The following AIG1 variants were observed in gnomAD, a reference collection of about 807,000 sequenced individuals.
The protein encoded by AIG1 is androgen-induced gene 1 protein.
Under a neutral mutation model 31.4 loss-of-function variants are expected in AIG1, and 23 were observed. The observed-to-expected ratio is 0.73, with a 90% CI of 0.53 to 1.04. The LOEUF is 1.04. Ranked by LOEUF, AIG1 falls within the 50% of genes least tolerant of loss-of-function variation. The probability of loss-of-function intolerance (pLI) is 0.00; values close to 1 mark genes in which losing one functional copy is unlikely to be tolerated. For synonymous variants in AIG1, 100 were observed against 110.5 expected (o/e 0.90, Z 0.60); for missense variants, 274 against 295.0 (o/e 0.93, Z 0.52).
intron 3 of AIG1, among the ~76,000 whole-genome samples, chr6:143,245,950 T>C (rs1370232262): frequency 6.6e-6 from 1 of 152,152 alleles, no homozygotes; most frequent in Non-Finnish European, 1.5e-5. Context: ...TGGGCCACAT[T>C]GGAAGAAGAA....
At chr6:143,087,411 C>T (rs1778893946) in intron 1 of AIG1, among the ~76,000 whole-genome samples, 1 of 152,184 alleles carries the variant, frequency 6.6e-6, no homozygotes, top group South Asian at 2.1e-4. Flanking sequence ...GACTAGTGTT[C>T]AGCTCAATTA....
At chr6:143,255,827 T>C (rs1166526625) in intron 3 of AIG1, among the ~76,000 whole-genome samples, 1 of 152,226 alleles carries the variant, frequency 6.6e-6, no homozygotes, top group East Asian at 1.9e-4. Context: ...TGATGTTATA[T>C]GCTAATCCTT....
chr6:143,173,095 G>T (rs1384380953), intron 3 of AIG1, among the ~76,000 whole-genome samples: 1 of 150,954 alleles, frequency 6.6e-6, no homozygotes, highest in Non-Finnish European at 1.5e-5. Context: ...TCACCCTGTT[G>T]CCCAGGCTAG....
At chr6:143,295,925 C>A (rs903150858) in intron 4 of AIG1, among the ~76,000 whole-genome samples, 9 of 152,012 alleles carry the variant, frequency 5.9e-5, no homozygotes, top group African/African-American at 1.9e-4. Flanking sequence ...AGAGTTAATC[C>A]AAGCACATTT....
At chr6:143,343,351 A>C, downstream of AIG1, 1 of 587,778 alleles carries the variant, frequency 1.7e-6, no homozygotes, top group Admixed American at 1.9e-5. Flanking sequence ...ATGAGGACTA[A>C]TGCCCCCCCA....
intron 3 of AIG1, among the ~76,000 whole-genome samples, chr6:143,173,777 A>G (rs950456959): frequency 7.9e-5 from 12 of 152,158 alleles, no homozygotes; most frequent in African/African-American, 2.7e-4. Flanking sequence ...ATTTTCTTAA[A>G]TTTGTTGAGA....
At chr6:143,275,508 C>A (rs1796830096) in intron 3 of AIG1, among the ~76,000 whole-genome samples, 1 of 152,182 alleles carries the variant, frequency 6.6e-6, no homozygotes. Context: ...CCTCCCTCAC[C>A]CTCACCCGTG....
Position 143,226,375 on chromosome 6 carries a change from G to A in AIG1, c.400-57735G>A, listed in dbSNP as rs186177604. On this transcript the variant is annotated intron_variant, in intron 3 of 5. Coordinates refer to ENST00000357847, the MANE Select transcript of AIG1 (RefSeq NM_016108.4). ...CCTGCGTCAGCCTCCAAGTAGCTGC[G>A]ACTACAGGCGTGCCCCACCGTGCCC... Among the ~76,000 whole-genome samples the A allele has an allele frequency of 2.1e-3, 323 of 151,692 alleles. 1 individual carries two copies. Among genetic ancestry groups the A allele is most frequent in the Non-Finnish European group, 3.5e-3 (236 of 67,944 alleles).
chr6:143,303,789 G>A (rs1156456278), intron 4 of AIG1, among the ~76,000 whole-genome samples: 2 of 143,490 alleles, frequency 1.4e-5, no homozygotes, highest in African/African-American at 5.2e-5. Flanking sequence ...TGATGGGGAT[G>A]GCATTGAATC....
intron 1 of AIG1, among the ~76,000 whole-genome samples, chr6:143,067,402 A>C (rs1046146551): frequency 6.6e-6 from 1 of 152,186 alleles, no homozygotes; most frequent in African/African-American, 2.4e-5. Context: ...GAATTTCAGA[A>C]AACCAGAGAG....
chr6:143,335,376 A>G (rs373565590), intron 5 of AIG1: 9 of 216,124 alleles, frequency 4.2e-5, no homozygotes, highest in East Asian at 3.7e-4. Context: ...TACTAAAAAT[A>G]CAAAAATTAG....
Position 143,338,253 on chromosome 6 carries a change from C to T in AIG1, c.680-1386C>T. 1 of 379,104 alleles carries T rather than the reference C, an allele frequency of 2.6e-6. No homozygotes were observed. The highest frequency in any genetic ancestry group is 4.7e-6 in the Non-Finnish European group (1 of 214,304). 23.5% of individuals were successfully genotyped at this position (379,104 alleles called of 1,614,324 possible). On this transcript the variant is annotated intron_variant, in intron 5 of 5. Transcript: ENST00000357847. This position sits in a 1 kb window ranked among gnomAD's most constrained non-coding sequence, Gnocchi z 4.3. ...GCTGTTTTCTTCTTTCCGTGGTTAC[C>T]CAACAACGAAGGCGTGTTGTACCTT...
chr6:143,234,103 AC>A (rs1273013656), intron 3 of AIG1, among the ~76,000 whole-genome samples: 1 of 151,292 alleles, frequency 6.6e-6, no homozygotes, highest in Non-Finnish European at 1.5e-5. Context: ...AACTACAAAG[AC>A]CCCCCTAAAC....
intron 3 of AIG1, among the ~76,000 whole-genome samples, chr6:143,183,937 C>T (rs1788979009): frequency 6.6e-6 from 1 of 152,220 alleles, no homozygotes; most frequent in Non-Finnish European, 1.5e-5. Context: ...AAGTCCATAC[C>T]TGTATCCTTT....
chr6:143,199,315 G>T (rs1790506391), intron 3 of AIG1, among the ~76,000 whole-genome samples: 1 of 152,090 alleles, frequency 6.6e-6, no homozygotes, highest in Non-Finnish European at 1.5e-5. Flanking sequence ...ATATACATAA[G>T]TGAAATGATA....
chr6:143,335,816 G>A (rs887464577), intron 5 of AIG1, among the ~76,000 whole-genome samples: 2 of 151,776 alleles, frequency 1.3e-5, no homozygotes, highest in African/African-American at 2.4e-5. Flanking sequence ...TGAGCCGGGC[G>A]TACATGCCTG....
chr6:143,085,756 C>T (rs1778717409), intron 1 of AIG1, among the ~76,000 whole-genome samples: 2 of 152,206 alleles, frequency 1.3e-5, no homozygotes, highest in African/African-American at 4.8e-5. Context: ...TCTGCTTCCA[C>T]AAGAGTCTCC....
intron 3 of AIG1, among the ~76,000 whole-genome samples, chr6:143,244,835 A>G (rs1422711921): frequency 6.6e-6 from 1 of 152,194 alleles, no homozygotes; most frequent in Non-Finnish European, 1.5e-5. Flanking sequence ...CTTGGGGTTC[A>G]CAAGCTCCAA....
chr6:143,273,239 T>C (rs1796663840), intron 3 of AIG1, among the ~76,000 whole-genome samples: 1 of 152,218 alleles, frequency 6.6e-6, no homozygotes. Context: ...AATAAGTGGA[T>C]TCTACTGAGA....
Sources: gnomAD v4.1 joint callset for allele counts (sites outside exome capture counted in the v4.1 genomes callset) on GRCh38, gnomAD v4.1.1 for gene constraint, Gnocchi (gnomAD v3.1) non-coding constraint, MANE v1.5 for transcripts, NCBI Gene and HGNC (gene_info 2026-07-23, HGNC 2026-07-21) for gene names.